Variants in CCDC7 observed in about 807,000 individuals in gnomAD.
CCDC7 encodes coiled-coil domain-containing protein 7.
CCDC7 carries 183 observed loss-of-function variants against 196.9 expected under a neutral mutation model. The observed-to-expected ratio is 0.93, with a 90% CI of 0.82 to 1.05. The LOEUF is 1.05. CCDC7 is among the 50% of genes least tolerant of loss of function. CCDC7 has a pLI of 0.00. For missense variants in CCDC7, 1,540 were observed against 1,482.2 expected (o/e 1.04, Z -0.64); for synonymous variants, 525 against 484.6 (o/e 1.08, Z -1.10).
At chr10:32,725,020 G>A (rs550085602) in intron 25 of CCDC7, among the ~76,000 whole-genome samples, 271 of 152,080 alleles carry the variant, frequency 1.8e-3, no homozygotes, top group Middle Eastern at 0.014. Flanking sequence ...TAGAATACAC[G>A]TATATATTTA....
intron 21 of CCDC7, among the ~76,000 whole-genome samples, chr10:32,667,368 G>C (rs2140556242): frequency 6.6e-6 from 1 of 152,262 alleles, no homozygotes; most frequent in South Asian, 2.1e-4. Context: ...AAACTCTTCA[G>C]TTTAATTAGA....
chr10:32,674,447 ATAATCT>A (rs1306697153), intron 21 of CCDC7, among the ~76,000 whole-genome samples: 1 of 151,996 alleles, frequency 6.6e-6, no homozygotes, highest in Non-Finnish European at 1.5e-5. Context: ...TGACTGGAAA[ATAATCT>A]TGTAATGGTT....
intron 28 of CCDC7, among the ~76,000 whole-genome samples, chr10:32,777,355 T>G (rs1166549855): frequency 1.3e-5 from 2 of 152,232 alleles, no homozygotes; most frequent in Admixed American, 1.3e-4. Flanking sequence ...GATGCATGTG[T>G]CCATTTGGTA....
chr10:32,478,089 T>C (rs2039326343), intron 8 of CCDC7, among the ~76,000 whole-genome samples: 1 of 152,226 alleles, frequency 6.6e-6, no homozygotes, highest in South Asian at 2.1e-4. Flanking sequence ...TGTTGAAATT[T>C]CAGTGCTACT....
At chr10:32,449,551 C>A (rs2032438915), upstream of CCDC7, among the ~76,000 whole-genome samples, 1 of 151,934 alleles carries the variant, frequency 6.6e-6, no homozygotes, top group South Asian at 2.1e-4. Context: ...AGCTCATATA[C>A]CCCTGGGGGT....
At chr10:32,451,737 C>T in exon 1 of CCDC7, 1 of 1,614,134 alleles carries the variant, frequency 6.2e-7, no homozygotes. Context: ...TTACCATTAT[C>T]ACCTGAGCTA....
At chr10:32,544,350 C>G (rs914263913) in intron 13 of CCDC7, 49 bp downstream of exon 14, 1 of 1,553,754 alleles carries the variant, frequency 6.4e-7, no homozygotes, top group African/African-American at 1.4e-5. Context: ...AATACTTGCT[C>G]TGATAGTCAT....
chr10:32,786,834 G>A (rs145520372), intron 29 of CCDC7, among the ~76,000 whole-genome samples: 1 of 151,722 alleles, frequency 6.6e-6, no homozygotes, highest in Non-Finnish European at 1.5e-5. Context: ...CATGGACAAA[G>A]AACAAAAGGA....
intron 32 of CCDC7, among the ~76,000 whole-genome samples, chr10:32,833,967 G>A (rs1025705185): frequency 6.6e-6 from 1 of 152,020 alleles, no homozygotes; most frequent in African/African-American, 2.4e-5. Context: ...CCCGGTAGAT[G>A]GCAAAGCTTC....
chr10:32,770,192 C>T (rs559077268), intron 28 of CCDC7, among the ~76,000 whole-genome samples: 65 of 152,142 alleles, frequency 4.3e-4, no homozygotes, highest in African/African-American at 1.6e-3. Flanking sequence ...TTTCTAGATC[C>T]TTCAGGAGCA....
chr10:32,564,232 A>G (rs2056352323), intron 13 of CCDC7, among the ~76,000 whole-genome samples: 1 of 152,224 alleles, frequency 6.6e-6, no homozygotes, highest in African/African-American at 2.4e-5. Context: ...CCATTGTGGA[A>G]GGCAGTGTGG....
At chr10:32,491,780 A>G in intron 8 of CCDC7, 142 bp from the exon 10 acceptor site, 1 of 613,950 alleles carries the variant, frequency 1.6e-6, no homozygotes, top group East Asian at 3.6e-5. Flanking sequence ...CCTCATAAGC[A>G]TTCTGTTAAT....
chr10:32,840,315 G>A (rs898569405), intron 33 of CCDC7, among the ~76,000 whole-genome samples: 1 of 151,820 alleles, frequency 6.6e-6, no homozygotes, highest in Non-Finnish European at 1.5e-5. Context: ...AATGAAACAG[G>A]AGTTATTACA....
At chr10:32,756,261 A>G (rs1460342894) in intron 28 of CCDC7, among the ~76,000 whole-genome samples, 3 of 152,172 alleles carry the variant, frequency 2.0e-5, no homozygotes, top group Admixed American at 1.3e-4. Flanking sequence ...AGAGAACACC[A>G]CAAAGATACT....
rs1491102454 is a variant in CCDC7 at position 32,828,439 on chromosome 10, G to GA, written c.3268+3836dup. 1.4e-4 allele frequency among the ~76,000 whole-genome samples: 8 copies of GA among 56,756 alleles called. 1 individual carries two copies. Among genetic ancestry groups the GA allele is most frequent in the African/African-American group, 3.1e-4 (7 of 22,642 alleles). The allele number at this position is 56,756 out of a possible 152,430, so 37.2% of individuals were successfully genotyped here. A position where few individuals can be genotyped will look rare whatever the true frequency, so the allele number is the denominator to read the frequency against. ...AGGAGAAGAAGAAGAAGGAAGGAAG[G>GA]AGAAGAAGAAGAAGAAGAAGAAGAA... On this transcript the variant is annotated intron_variant, in intron 32 of 41. Coordinates refer to ENST00000639629, the Ensembl canonical transcript of CCDC7.
In CCDC7 at chr10:32,706,194, C is replaced by T. The variant is rs191050221; in HGVS notation, c.2459-5426C>T. Among the ~76,000 whole-genome samples, 173 of 152,208 alleles carry T rather than the reference C, an allele frequency of 1.1e-3. 2 individuals are homozygous for T. The highest frequency in any genetic ancestry group is 4.0e-3 in the African/African-American group (168 of 41,568). ...TCAAAACTGCTCAACTATAGGGAAA[C>T]TGAACAACCTGCTCCTGAATGACTA... On this transcript the variant is annotated intron_variant, in intron 24 of 41. Coordinates refer to ENST00000639629, the Ensembl canonical transcript of CCDC7.
chr10:32,862,781 C>T (rs2094054111), intron 41 of CCDC7, among the ~76,000 whole-genome samples: 1 of 151,704 alleles, frequency 6.6e-6, no homozygotes, highest in Admixed American at 6.6e-5. Flanking sequence ...TATAGGAAAC[C>T]CTAAAGACTA....
intron 41 of CCDC7, among the ~76,000 whole-genome samples, chr10:32,871,229 C>G (rs2094418359): frequency 6.6e-6 from 1 of 152,074 alleles, no homozygotes; most frequent in Admixed American, 6.6e-5. Context: ...CCATCGGGTC[C>G]TGGACTTTTT....
At chr10:32,767,711 C>A (rs1049641265) in intron 28 of CCDC7, among the ~76,000 whole-genome samples, 1 of 152,078 alleles carries the variant, frequency 6.6e-6, no homozygotes, top group African/African-American at 2.4e-5. Context: ...CAGACATTAA[C>A]AAATGTCCAC....
Sources: allele counts gnomAD v4.1 joint callset (sites outside exome capture counted in the v4.1 genomes callset), GRCh38; gene constraint gnomAD v4.1.1; transcripts MANE v1.5; gene names NCBI Gene and HGNC (gene_info 2026-07-23, HGNC 2026-07-21).